Variants in DMTF1 observed in about 807,000 individuals in gnomAD.
DMTF1 encodes the protein cyclin D binding myb like transcription factor 1, also known as cyclin-D-binding Myb-like transcription factor 1.
A neutral mutation model predicts 91.1 loss-of-function variants in DMTF1; 39 were observed. That is an observed-to-expected ratio of 0.43 (90% CI 0.33 to 0.56). DMTF1 has a LOEUF of 0.56. Among genes scored for constraint, DMTF1 ranks in the 20% least tolerant of loss-of-function variants. The pLI is 0.05. For missense variants in DMTF1, 750 were observed against 914.5 expected, an observed-to-expected ratio of 0.82 and a Z score of 2.32; for synonymous variants, 338 against 309.5, an observed-to-expected ratio of 1.09 and a Z score of -0.97.
chr7:87,185,921 G>C lies in DMTF1; in HGVS notation c.1142G>C (p.Arg381Pro). 6.2e-7 allele frequency: 1 copy of C among 1,613,958 alleles called. No individual in the cohort carries two copies. Among genetic ancestry groups the C allele is most frequent in the Non-Finnish European group, 8.5e-7 (1 of 1,179,864 alleles). Residue 381 changes from arginine (R) to proline (P), a missense_variant, in exon 12 of 18, where the codon CGA (arginine) becomes CCA (proline). Arg to Pro is a moderately radical substitution (Grantham distance 103). Coordinates refer to ENST00000331242, the MANE Select transcript of DMTF1 (RefSeq NM_001142327.2). ...WSSVRSPQWL[R>P]SKWWTIKRQI... ...AGTGTCCGTTCACCACAATGGCTACGAAGTAAATGGTGGACCATCAAAAGG... is the reference window on the plus strand; with the variant it reads ...AGTGTCCGTTCACCACAATGGCTACCAAGTAAATGGTGGACCATCAAAAGG...
chr7:87,167,426 A>G (rs534732829), intron 4 of DMTF1, among the ~76,000 whole-genome samples: 2 of 152,352 alleles, frequency 1.3e-5, no homozygotes, highest in South Asian at 2.1e-4. Context: ...GCTTTTGTCC[A>G]TGGCAATGGG....
rs763347875 is a variant in DMTF1 at position 87,184,348 on chromosome 7, T to G, written c.821-49T>G. The G allele has an allele frequency of 2.6e-6, 4 of 1,547,112 alleles. No individual in the cohort carries two copies. In the South Asian group the frequency reaches 4.6e-5, roughly 18 times the overall value. On this transcript the variant is annotated intron_variant, in intron 10 of 17. Coordinates refer to ENST00000331242, the MANE Select transcript of DMTF1 (RefSeq NM_001142327.2). Reference sequence around the variant, plus strand: ...CTTGTAAATAGAGGGCTGAATCAGATTTGTAAAAGAAGTTAGCAGTGGTAG... The same window carrying G: ...CTTGTAAATAGAGGGCTGAATCAGAGTTGTAAAAGAAGTTAGCAGTGGTAG...
chr7:87,171,113 C>T (rs371999785), intron 5 of DMTF1, 24 bp downstream of exon 5: 18 of 1,473,634 alleles, frequency 1.2e-5, no homozygotes, highest in East Asian at 2.3e-5. Flanking sequence ...TTTAACTGGC[C>T]TCAGGAGGAT....
At chr7:87,178,073 ATTAAT>A (rs1796607467) in intron 7 of DMTF1, among the ~76,000 whole-genome samples, 1 of 152,124 alleles carries the variant, frequency 6.6e-6, no homozygotes, top group Non-Finnish European at 1.5e-5. Context: ...CTTGGGGGGA[ATTAAT>A]ATCTTCACAG....
intron 3 of DMTF1, 115 bp from the exon 4 acceptor site, chr7:87,166,368 G>C: frequency 9.6e-7 from 1 of 1,046,334 alleles, no homozygotes; most frequent in East Asian, 2.6e-5. Context: ...TTAGTTAAAT[G>C]AGCAAATTGG....
chr7:87,179,624 C>T lies in DMTF1; in HGVS notation c.599C>T (p.Ala200Val). The T allele has an allele frequency of 6.3e-7, 1 of 1,583,998 alleles. No individual in the cohort carries two copies. The highest frequency in any genetic ancestry group is 8.5e-7 in the Non-Finnish European group (1 of 1,170,062). Residue 200 changes from alanine to valine, a missense_variant, in exon 8 of 18, where the codon GCA becomes GTA. Around this residue, in one of 3 missense-constraint regions of DMTF1, gnomAD observed 190 missense variants for 343.8 expected, o/e 0.55. Transcript: ENST00000331242. ...AGAAAAGATTTCTACAGGACTATAG[C>T]ATGGGGTCTGAACCGGCCTTTGTTT... ...DERKDFYRTI[A>V]WGLNRPLFAV... is the part of the protein sequence containing the mutation.
intron 6 of DMTF1, 30 bp downstream of exon 6, chr7:87,173,679 A>C: frequency 6.8e-7 from 1 of 1,464,944 alleles, no homozygotes; most frequent in Non-Finnish European, 9.4e-7. Context: ...TTTAGTGCCT[A>C]GTGAAAAAAA....
rs766863960 is a variant in DMTF1 at position 87,166,524 on chromosome 7, C to T, written c.151C>T (p.His51Tyr). ...CTCAGAAGATAGTATTGAACCTCCA[C>T]ATAAAAGGCTTTGTTTGTCCTCTGA... Reference protein sequence around the residue: ...IDSEDSIEPPHKRLCLSSEDD... With the variant: ...IDSEDSIEPPYKRLCLSSEDD... The change falls in exon 4 of 18, where the codon CAT becomes TAT. Residue 51 changes from histidine (H) to tyrosine (Y), a missense_variant. Transcript: ENST00000331242. 6.2e-7 allele frequency: 1 copy of T among 1,613,232 alleles called. No individual in the cohort carries two copies. The highest frequency in any genetic ancestry group is 1.1e-5 in the South Asian group (1 of 91,052).
Position 87,180,413 on chromosome 7 carries a change from A to G in DMTF1, c.677+711A>G, listed in dbSNP as rs533079123. 2.2e-4 allele frequency among the ~76,000 whole-genome samples: 34 copies of G among 152,368 alleles called. No individual in the cohort carries two copies. In the East Asian group the frequency reaches 2.5e-3, roughly 11 times the overall value. On this transcript the variant is annotated intron_variant, in intron 8 of 17. Transcript: ENST00000331242. ...AGCATAAATGACTTGTTAGCAATTC[A>G]TAAACTTTCCATGCATTACAAATGG...
chr7:87,181,779 T>G (rs1797424783), intron 9 of DMTF1, among the ~76,000 whole-genome samples: 2 of 152,172 alleles, frequency 1.3e-5, no homozygotes. Flanking sequence ...TTTGCTTTAT[T>G]GAGTTAGACC....
At position 87,188,198 on chromosome 7, in the gene DMTF1, T is replaced by C. The variant is rs1798888130; in HGVS notation, c.1308T>C (p.Ser436=). ...TTCCAAACAGTAATACCAATTCCAG[T>C]GTGCAGCATGTTCAGATAAGAGTTG... ...SGVPNSNTNS[S]VQHVQIRVAR... is the part of the protein sequence containing the mutation. The change falls in exon 13 of 18, where the codon AGT becomes AGC. Residue 436 remains serine (S), a synonymous_variant. Transcript: ENST00000331242. The C allele has an allele frequency of 1.2e-6, 2 of 1,614,000 alleles. No individual in the cohort carries two copies. Among genetic ancestry groups the C allele is most frequent in the East Asian group, 2.2e-5 (1 of 44,876 alleles).
chr7:87,193,416 A>T (rs1584481029), intron 15 of DMTF1, 63 bp downstream of exon 15: 5 of 1,540,120 alleles, frequency 3.2e-6, no homozygotes, highest in Non-Finnish European at 4.5e-6. Context: ...GTTGATAAGG[A>T]CCAAAATAGA....
intron 12 of DMTF1, 93 bp from the exon 13 acceptor site, chr7:87,187,999 C>A: frequency 2.2e-6 from 2 of 914,326 alleles, no homozygotes; most frequent in South Asian, 2.9e-5. Context: ...ATTCCAAATA[C>A]TTTCCCTCCT....
At position 87,194,679 on chromosome 7, in the gene DMTF1, T is replaced by C. The variant is rs1175726677; in HGVS notation, c.2029-5T>C. ...AGTCAATATTTTTTTTTTAATGTTA[T>C]TTAGGGTTTAGAGTCTCCCACTATA... On this transcript the variant is annotated splice_polypyrimidine_tract_variant and splice_region_variant and intron_variant, in intron 16 of 17. Transcript: ENST00000331242. The C allele has an allele frequency of 1.3e-6, 2 of 1,594,804 alleles. No individual in the cohort carries two copies. Among genetic ancestry groups the C allele is most frequent in the East Asian group, 2.2e-5 (1 of 44,654 alleles).
At chr7:87,184,251 G>GTTAT (rs1797960522) in intron 10 of DMTF1, 146 bp from the exon 11 acceptor site, 1 of 671,086 alleles carries the variant, frequency 1.5e-6, no homozygotes, top group Non-Finnish European at 2.5e-6. Flanking sequence ...GTCTTAGTGG[G>GTTAT]TATATATGGT....
At chr7:87,190,921 C>T in intron 13 of DMTF1, 24 bp from the exon 14 acceptor site, 1 of 1,586,726 alleles carries the variant, frequency 6.3e-7, no homozygotes, top group South Asian at 1.1e-5. Context: ...ATTCTTACCA[C>T]AGCTTACCTT....
Position 87,163,566 on chromosome 7 carries a change from A to G in DMTF1, c.-60A>G, listed in dbSNP as rs1319751470. 6.6e-6 allele frequency: 1 copy of G among 152,172 alleles called. No individual in the cohort carries two copies. Among genetic ancestry groups the G allele is most frequent in the East Asian group, 1.9e-4 (1 of 5,186 alleles). The allele number at this position is 152,172 out of a possible 1,614,324, so 9.4% of individuals were successfully genotyped here. A position where few individuals can be genotyped will look rare whatever the true frequency, so the allele number is the denominator to read the frequency against. The stretch of plus-strand genomic sequence containing the variant: ...TGAAAGTGATGCTGGTTGCTAAGGG[A>G]AGGCAACTTGATTCTGTGGGAAGGG... On this transcript the variant is annotated 5_prime_UTR_variant, in exon 2 of 18. Coordinates refer to ENST00000331242, the MANE Select transcript of DMTF1 (RefSeq NM_001142327.2).
intron 13 of DMTF1, 38 bp downstream of exon 13, chr7:87,188,339 C>A: frequency 6.2e-7 from 1 of 1,606,226 alleles, no homozygotes; most frequent in East Asian, 2.2e-5. Context: ...GCTGTTTGAT[C>A]TATATGATTT....
At chr7:87,169,021 A>G (rs755916447) in intron 4 of DMTF1, among the ~76,000 whole-genome samples, 1 of 152,096 alleles carries the variant, frequency 6.6e-6, no homozygotes, top group Non-Finnish European at 1.5e-5. Flanking sequence ...TCTTAGGCCT[A>G]CCCTTCCATT....
Sources: allele counts gnomAD v4.1 joint callset (sites outside exome capture counted in the v4.1 genomes callset), GRCh38; gene constraint gnomAD v4.1.1; regional missense constraint gnomAD v4.1.1; transcripts MANE v1.5; gene names NCBI Gene and HGNC (gene_info 2026-07-23, HGNC 2026-07-21).